ZNF236: variants seen among roughly 807,000 people sequenced by gnomAD.
ZNF236 encodes regulated by glucose.
ZNF236 carries 50 observed loss-of-function variants against 191.2 expected under a neutral mutation model. The observed-to-expected ratio is 0.26, with a 90% CI of 0.21 to 0.33. ZNF236 has a LOEUF of 0.33. Ranked by LOEUF, ZNF236 falls within the 10% of genes least tolerant of loss-of-function variation. The pLI, the probability that ZNF236 is intolerant of heterozygous loss-of-function variation, is 1.00. For missense variants in ZNF236, 1,754 were observed against 2,374.5 expected (o/e 0.74, Z 5.43); for synonymous variants, 907 against 928.8 (o/e 0.98, Z 0.43).
chr18:76,880,018 T>C lies in ZNF236; in HGVS notation c.985-95T>C. On this transcript the variant is annotated intron_variant, in intron 7 of 30. Coordinates refer to ENST00000320610, the MANE Select transcript of ZNF236 (RefSeq NM_001306089.2). This position sits in a 1 kb window ranked among gnomAD's most constrained non-coding sequence, Gnocchi z 5.0. ...AGGATACTCTTAGATTTTAACACCC[T>C]TAAGGAGGGTATTGCCTGTTTTTTT... 1 of 1,140,500 alleles carries C rather than the reference T, an allele frequency of 8.8e-7. No homozygotes were observed. Among genetic ancestry groups the C allele is most frequent in the East Asian group, 2.5e-5 (1 of 40,006 alleles). The allele number at this position is 1,140,500 out of a possible 1,614,324, so 70.6% of individuals were successfully genotyped here. A position where few individuals can be genotyped will look rare whatever the true frequency, so the allele number is the denominator to read the frequency against.
chr18:76,859,034 A>T, intron 3 of ZNF236, among the ~76,000 whole-genome samples: 1 of 12,466 alleles, frequency 8.0e-5, no homozygotes, highest in Admixed American at 8.0e-4. Context: ...AGGTGGAGGC[A>T]GGTGCAGGTG....
In ZNF236 at chr18:76,937,352, T is replaced by C; in HGVS notation, c.4782+9T>C. The C allele has an allele frequency of 1.9e-6, 3 of 1,591,544 alleles. No homozygotes were observed. The South Asian group carries it at 3.4e-5, about 18-fold the overall frequency. ...TCAACATCACCTCTCAGGCAAGTGC[T>C]CCTCAGAGAGGGATGCGAAGGTCCT... On this transcript the variant is annotated intron_variant, in intron 26 of 30. Coordinates refer to ENST00000320610, the MANE Select transcript of ZNF236 (RefSeq NM_001306089.2).
intron 3 of ZNF236, among the ~76,000 whole-genome samples, chr18:76,859,890 C>T (rs764022105): frequency 6.6e-6 from 1 of 152,216 alleles, no homozygotes; most frequent in Non-Finnish European, 1.5e-5. Flanking sequence ...ATCTAGAGAT[C>T]TGCATGGGGT....
At chr18:76,938,731 G>A (rs1370947213) in intron 26 of ZNF236, among the ~76,000 whole-genome samples, 4 of 152,058 alleles carry the variant, frequency 2.6e-5, no homozygotes, top group South Asian at 4.2e-4. Context: ...CAGGCGCACC[G>A]CACGCCAGGG....
At chr18:76,844,172 G>C (rs1468755303) in intron 1 of ZNF236, among the ~76,000 whole-genome samples, 1 of 151,882 alleles carries the variant, frequency 6.6e-6, no homozygotes, top group African/African-American at 2.4e-5. Flanking sequence ...CCTGGGAGGT[G>C]GAGGTTGCAG....
intron 28 of ZNF236, among the ~76,000 whole-genome samples, chr18:76,958,954 CTG>C (rs1968593745): frequency 6.6e-6 from 1 of 152,210 alleles, no homozygotes; most frequent in Non-Finnish European, 1.5e-5. Context: ...GCTCTAAAGA[CTG>C]AGATTCTATT....
intron 30 of ZNF236, among the ~76,000 whole-genome samples, chr18:76,963,396 A>G (rs1968706513): frequency 6.6e-6 from 1 of 152,166 alleles, no homozygotes; most frequent in Admixed American, 6.5e-5. Context: ...GCATATGTTA[A>G]ACCATTCCTG....
At position 76,871,722 on chromosome 18, in the gene ZNF236, T is replaced by C; in HGVS notation, c.564T>C (p.Tyr188=). ...CTAGGGTATCAAGTACAAGGTCTTA[T>C]AACCGGAATATCGACAGAAGTGGAT... The part of the protein sequence containing the change: ...YKIRVSSTRS[Y]NRNIDRSGFT... The change falls in exon 5 of 31, where the codon TAT becomes TAC. Residue 188 remains tyrosine (Y), a synonymous_variant. Transcript: ENST00000320610. The C allele has an allele frequency of 6.2e-7, 1 of 1,614,244 alleles. No individual in the cohort carries two copies. Among genetic ancestry groups the C allele is most frequent in the Non-Finnish European group, 8.5e-7 (1 of 1,180,040 alleles).
At chr18:76,932,300 T>C (rs1486391860) in intron 25 of ZNF236, among the ~76,000 whole-genome samples, 1 of 152,240 alleles carries the variant, frequency 6.6e-6, no homozygotes, top group Non-Finnish European at 1.5e-5. Context: ...CAGCTTTGCA[T>C]GGCCCATGGT....
At chr18:76,837,437 C>CT (rs71760598) in intron 1 of ZNF236, among the ~76,000 whole-genome samples, 18,378 of 105,978 alleles carry the variant, frequency 0.17, 1,982 homozygotes, top group Non-Finnish European at 0.21. Flanking sequence ...TTTTCTTTTT[C>CT]TTTTTTTTTT....
In ZNF236 at chr18:76,875,860, A is replaced by C. The variant is rs780131315; in HGVS notation, c.840+196A>C. ...ACATGTGGAAGAAATATAAACTACT[A>C]TCTTTTTTGTCTTCTTGCTGACAGC... On this transcript the variant is annotated intron_variant, in intron 6 of 30. Coordinates refer to ENST00000320610, the MANE Select transcript of ZNF236 (RefSeq NM_001306089.2). The surrounding 1 kb of genome is among the most constrained non-coding windows in gnomAD (Gnocchi z 4.3). 1.3e-5 allele frequency among the ~76,000 whole-genome samples: 2 copies of C among 152,208 alleles called. No homozygotes were observed. The highest frequency in any genetic ancestry group is 2.9e-5 in the Non-Finnish European group (2 of 68,036).
intron 1 of ZNF236, among the ~76,000 whole-genome samples, chr18:76,840,142 A>G (rs1320097814): frequency 2.0e-5 from 3 of 152,218 alleles, no homozygotes; most frequent in African/African-American, 7.2e-5. Context: ...TTCTTTAGAA[A>G]TACAAATTTA....
At chr18:76,915,610 T>C (rs755908922) in intron 18 of ZNF236, 37 bp from the exon 19 acceptor site, 3 of 1,603,326 alleles carry the variant, frequency 1.9e-6, no homozygotes, top group African/African-American at 1.3e-5. Context: ...TGAAATAGGA[T>C]TGGTTCCAGC....
chr18:76,904,660 G>A, intron 12 of ZNF236, 139 bp downstream of exon 12: 1 of 683,000 alleles, frequency 1.5e-6, no homozygotes, highest in South Asian at 5.3e-5. Flanking sequence ...ACATTTATTG[G>A]TAATTAATAT....
At chr18:76,844,044 A>C (rs1975603411) in intron 1 of ZNF236, among the ~76,000 whole-genome samples, 1 of 151,938 alleles carries the variant, frequency 6.6e-6, no homozygotes, top group Non-Finnish European at 1.5e-5. Context: ...GTTCGAGACC[A>C]GCCTAACCAA....
In ZNF236 at chr18:76,871,451, C is replaced by T. The variant is rs181830095; in HGVS notation, c.543-250C>T. ...TTTGTCTAGAAGAGACATTTTGCTC[C>T]CCCTGTCCCAATTTCTGTTTTTGAC... On this transcript the variant is annotated intron_variant, in intron 4 of 30. Transcript: ENST00000320610. 4.4e-4 allele frequency among the ~76,000 whole-genome samples: 67 copies of T among 151,976 alleles called. No homozygotes were observed. The East Asian group carries it at 0.011, about 25-fold the overall frequency.
chr18:76,841,273 A>G (rs1975492608), intron 1 of ZNF236, among the ~76,000 whole-genome samples: 1 of 152,012 alleles, frequency 6.6e-6, no homozygotes, highest in African/African-American at 2.4e-5. Context: ...AGGTTTCACC[A>G]TGTTGGTCAG....
At chr18:76,964,971 T>C (rs1249936395) in intron 30 of ZNF236, among the ~76,000 whole-genome samples, 1 of 152,224 alleles carries the variant, frequency 6.6e-6, no homozygotes, top group Non-Finnish European at 1.5e-5. Flanking sequence ...TTCCCCCAGA[T>C]ATGTTTTCCA....
At position 76,969,983 on chromosome 18, in the gene ZNF236, AC is replaced by A. The variant is rs1312132513; in HGVS notation, c.*1645del. The stretch of plus-strand genomic sequence containing the variant: ...GCCTTATTTGACTTATGCTTGTGAT[AC>A]TGGACTTCTTACCAATCCGGAGGTT... On this transcript the variant is annotated 3_prime_UTR_variant, in exon 31 of 31. Coordinates refer to ENST00000320610, the MANE Select transcript of ZNF236 (RefSeq NM_001306089.2). 6.6e-6 allele frequency: 1 copy of A among 152,630 alleles called. No individual in the cohort carries two copies. The highest frequency in any genetic ancestry group is 1.5e-5 in the Non-Finnish European group (1 of 68,038). The allele number at this position is 152,630 out of a possible 1,614,324, so 9.5% of individuals were successfully genotyped here. A position where few individuals can be genotyped will look rare whatever the true frequency, so the allele number is the denominator to read the frequency against.
Sources: gnomAD v4.1 joint callset for allele counts (sites outside exome capture counted in the v4.1 genomes callset) on GRCh38, gnomAD v4.1.1 for gene constraint, Gnocchi (gnomAD v3.1) non-coding constraint, MANE v1.5 for transcripts, NCBI Gene and HGNC (gene_info 2026-07-23, HGNC 2026-07-21) for gene names.